The following SMURF2 variants were observed in gnomAD, a reference collection of about 807,000 sequenced individuals.
SMURF2 encodes the protein SMAD specific E3 ubiquitin protein ligase 2.
In SMURF2, 48 loss-of-function variants were observed where a neutral mutation model predicts 109.6. The observed-to-expected ratio is 0.44, with a 90% CI of 0.35 to 0.56. The LOEUF (loss-of-function observed/expected upper bound fraction) is 0.56, where lower values mean the gene tolerates loss of function less well. SMURF2 is among the 20% of genes least tolerant of loss of function. The pLI is 0.01. For synonymous variants in SMURF2, 288 were observed against 317.1 expected (o/e 0.91, Z 0.97); for missense variants, 575 against 909.0 (o/e 0.63, Z 4.72).
intron 1 of SMURF2, among the ~76,000 whole-genome samples, chr17:64,660,534 C>T (rs1411313189): frequency 1.3e-5 from 2 of 152,218 alleles, no homozygotes; most frequent in South Asian, 2.1e-4. Context: ...AGCCAACATA[C>T]ATTCAAGCTA....
chr17:64,551,779 T>G, intron 15 of SMURF2, 75 bp from the exon 16 acceptor site: 1 of 1,561,964 alleles, frequency 6.4e-7, no homozygotes, highest in East Asian at 2.3e-5. Flanking sequence ...AAATCTCTAC[T>G]TTAGCAACAC....
At chr17:64,595,744 A>C (rs1483150031) in intron 3 of SMURF2, among the ~76,000 whole-genome samples, 6 of 134,736 alleles carry the variant, frequency 4.5e-5, no homozygotes, top group African/African-American at 2.4e-4. Context: ...ATAAAACCTA[A>C]TAAGTACAAG....
Position 64,547,672 on chromosome 17 carries a change from G to C in SMURF2, c.1999C>G (p.Arg667Gly). ...WKAVEFFDEE[R>G]RARLLQFVTG... Reference sequence around the variant, plus strand: ...ACAAACTGAAGCAATCTTGCTCGTCGCTCTTCATCAAAAAACTCCACAGCT... The same window carrying C: ...ACAAACTGAAGCAATCTTGCTCGTCCCTCTTCATCAAAAAACTCCACAGCT... The change falls in exon 17 of 19, where the codon CGA becomes GGA. Residue 667 changes from arginine (R) to glycine (G), a missense_variant. Physicochemically the swap from Arg to Gly is moderately radical, Grantham distance 125 (BLOSUM62 -2). Around this residue, in one of 5 missense-constraint regions of SMURF2, gnomAD observed 361 missense variants for 612.1 expected, o/e 0.59. Coordinates refer to ENST00000262435, the MANE Select transcript of SMURF2 (RefSeq NM_022739.4). The surrounding 1 kb of genome is among the most constrained non-coding windows in gnomAD (Gnocchi z 4.2). 1.9e-6 allele frequency: 3 copies of C among 1,613,938 alleles called. No homozygotes were observed. The highest frequency in any genetic ancestry group is 2.5e-6 in the Non-Finnish European group (3 of 1,180,010).
intron 5 of SMURF2, among the ~76,000 whole-genome samples, chr17:64,589,588 T>A (rs1182064509): frequency 6.6e-6 from 1 of 151,856 alleles, no homozygotes; most frequent in Non-Finnish European, 1.5e-5. Context: ...CTGCCTCCTA[T>A]CAGATCAGTG....
chr17:64,651,667 T>A (rs1970642448), intron 1 of SMURF2, among the ~76,000 whole-genome samples: 1 of 151,940 alleles, frequency 6.6e-6, no homozygotes, highest in Non-Finnish European at 1.5e-5. Flanking sequence ...CTCAGACCTG[T>A]AATCCCAGCA....
At position 64,562,924 on chromosome 17, in the gene SMURF2, T is replaced by C; in HGVS notation, c.1059A>G (p.Val353=). The change falls in exon 11 of 19, where the codon GTA becomes GTG. Residue 353 remains valine, a synonymous_variant. Coordinates refer to ENST00000262435, the MANE Select transcript of SMURF2 (RefSeq NM_022739.4). ...QLKDQQQQQV[V]SLCPDDTECL... ...ATTCTGTGTCATCAGGACATAACGA[T>C]ACCACTTGCTGTTGCTGTTGGTCTT... The C allele has an allele frequency of 6.2e-7, 1 of 1,614,040 alleles. No homozygotes were observed. The highest frequency in any genetic ancestry group is 2.2e-5 in the East Asian group (1 of 44,890).
At chr17:64,577,503 T>C (rs1969510794) in intron 9 of SMURF2, among the ~76,000 whole-genome samples, 1 of 150,744 alleles carries the variant, frequency 6.6e-6, no homozygotes. Flanking sequence ...TGTATACATA[T>C]GTAACAAACC....
chr17:64,546,453 T>G, intron 17 of SMURF2, 115 bp from the exon 18 acceptor site: 2 of 829,550 alleles, frequency 2.4e-6, no homozygotes, highest in Non-Finnish European at 3.8e-6. Context: ...GGAATGCTAA[T>G]GAATCCACAC....
intron 1 of SMURF2, among the ~76,000 whole-genome samples, chr17:64,613,859 T>C (rs1347478370): frequency 2.0e-5 from 3 of 152,050 alleles, no homozygotes; most frequent in Admixed American, 1.3e-4. Context: ...AGAATAATTA[T>C]ACAACTCACC....
intron 1 of SMURF2, among the ~76,000 whole-genome samples, chr17:64,661,308 G>C (rs1205085536): frequency 2.0e-5 from 3 of 152,092 alleles, no homozygotes; most frequent in African/African-American, 7.2e-5. Flanking sequence ...GCGGTGGCCG[G>C]CGGCGGGGAG....
chr17:64,638,274 C>A lies in SMURF2; in HGVS notation c.52+23555G>T, dbSNP rs113327313. 2.1e-3 allele frequency among the ~76,000 whole-genome samples: 320 copies of A among 152,200 alleles called. 1 individual carries two copies. Among genetic ancestry groups the A allele is most frequent in the African/African-American group, 7.3e-3 (305 of 41,532 alleles). On this transcript the variant is annotated intron_variant, in intron 1 of 18. Coordinates refer to ENST00000262435, the MANE Select transcript of SMURF2 (RefSeq NM_022739.4). Reference sequence around the variant, plus strand: ...AGAGATGGGGTTTCACCATGGTGGCCAGGCTGGTCTTGAACTCCTGACCTC... The same window carrying A: ...AGAGATGGGGTTTCACCATGGTGGCAAGGCTGGTCTTGAACTCCTGACCTC...
intron 8 of SMURF2, among the ~76,000 whole-genome samples, chr17:64,579,451 C>A (rs1969549580): frequency 1.3e-5 from 2 of 152,050 alleles, no homozygotes; most frequent in African/African-American, 4.8e-5. Flanking sequence ...AGATTATAAA[C>A]AAAATCATAT....
intron 2 of SMURF2, among the ~76,000 whole-genome samples, chr17:64,601,950 C>T (rs1555688621): frequency 6.7e-6 from 1 of 149,144 alleles, no homozygotes; most frequent in Non-Finnish European, 1.5e-5. Context: ...TACACACCTA[C>T]ATATACACAC....
intron 2 of SMURF2, among the ~76,000 whole-genome samples, chr17:64,603,582 GGAAA>G (rs1969928763): frequency 6.9e-6 from 1 of 144,804 alleles, no homozygotes; most frequent in African/African-American, 2.6e-5. Flanking sequence ...CTCCGTCGGG[GGAAA>G]AAAAAAAAAA....
At chr17:64,631,275 G>A (rs1598305052) in intron 1 of SMURF2, among the ~76,000 whole-genome samples, 1 of 8,376 alleles carries the variant, frequency 1.2e-4, no homozygotes, top group African/African-American at 3.6e-4. Flanking sequence ...GGAGAGAGGG[G>A]GGGGGGGAGA....
intron 6 of SMURF2, among the ~76,000 whole-genome samples, chr17:64,584,406 T>A (rs1969622165): frequency 6.9e-6 from 1 of 145,840 alleles, no homozygotes; most frequent in African/African-American, 2.6e-5. Context: ...TTCGCCAGGC[T>A]GGAGTGCAGT....
chr17:64,586,049 A>G, intron 6 of SMURF2, 37 bp downstream of exon 6: 1 of 1,359,936 alleles, frequency 7.4e-7, no homozygotes, highest in Non-Finnish European at 1.0e-6. Context: ...GATATTATCT[A>G]TATATTTCTC....
intron 10 of SMURF2, among the ~76,000 whole-genome samples, chr17:64,566,200 AAATT>A (rs1243556364): frequency 6.6e-6 from 1 of 151,854 alleles, no homozygotes; most frequent in Non-Finnish European, 1.5e-5. Flanking sequence ...AAAGATTAAT[AAATT>A]AACTGTTATA....
chr17:64,653,124 C>T (rs1242998388), intron 1 of SMURF2, among the ~76,000 whole-genome samples: 4 of 151,976 alleles, frequency 2.6e-5, no homozygotes, highest in South Asian at 2.1e-4. Context: ...GGGGGAGCTA[C>T]AGTCCGGGAG....
Sources: allele counts gnomAD v4.1 joint callset (sites outside exome capture counted in the v4.1 genomes callset), GRCh38; gene constraint gnomAD v4.1.1; regional missense constraint gnomAD v4.1.1; non-coding constraint Gnocchi (gnomAD v3.1); transcripts MANE v1.5; gene names NCBI Gene and HGNC (gene_info 2026-07-23, HGNC 2026-07-21).